CENPC: variants seen among roughly 807,000 people sequenced by gnomAD.
CENPC encodes CENP-C 1.
Under a neutral mutation model 112.1 loss-of-function variants are expected in CENPC, and 63 were observed. The observed-to-expected ratio is 0.56, with a 90% CI of 0.46 to 0.69. The LOEUF (loss-of-function observed/expected upper bound fraction) is 0.69. CENPC is among the 30% of genes least tolerant of loss of function. The probability of loss-of-function intolerance (pLI) is 0.00; values close to 1 mark genes in which losing one functional copy is unlikely to be tolerated. For missense variants in CENPC, 1,000 were observed against 1,103.8 expected (o/e 0.91, Z 1.33); for synonymous variants, 333 against 367.6 (o/e 0.91, Z 1.08).
rs946968401 is a variant in CENPC at position 67,495,336 on chromosome 4, A to G, written c.2132-124T>C. On this transcript the variant is annotated intron_variant, in intron 12 of 18. Transcript: ENST00000273853. Reference sequence around the variant, plus strand: ...AAAGTTTGACCTGATAATGTATTTTATTACTCCTTTTGCTTTTCATTGCTC... The same window carrying G: ...AAAGTTTGACCTGATAATGTATTTTGTTACTCCTTTTGCTTTTCATTGCTC... 3 of 888,626 alleles carry G rather than the reference A, an allele frequency of 3.4e-6. No homozygotes were observed. The African/African-American group carries it at 5.3e-5, about 16-fold the overall frequency. The allele number at this position is 888,626 out of a possible 1,614,324, so 55.0% of individuals were successfully genotyped here.
chr4:67,544,080 T>C (rs754685219), intron 2 of CENPC, 69 bp downstream of exon 2: 45 of 816,938 alleles, frequency 5.5e-5, no homozygotes, highest in Non-Finnish European at 8.5e-5. Flanking sequence ...TAGTTTTTCC[T>C]TTCTTCATTT....
chr4:67,479,624 A>C (rs1724899179), intron 17 of CENPC, among the ~76,000 whole-genome samples: 1 of 152,218 alleles, frequency 6.6e-6, no homozygotes, highest in South Asian at 2.1e-4. Flanking sequence ...AAAAGTCTGA[A>C]AGAACACAAA....
At chr4:67,543,776 C>A (rs1726952358) in intron 2 of CENPC, among the ~76,000 whole-genome samples, 2 of 152,114 alleles carry the variant, frequency 1.3e-5, no homozygotes, top group African/African-American at 4.8e-5. Context: ...ACCAAAACAA[C>A]CCAAACAAGC....
At chr4:67,509,775 C>T (rs778376116) in intron 9 of CENPC, among the ~76,000 whole-genome samples, 1 of 152,058 alleles carries the variant, frequency 6.6e-6, no homozygotes, top group South Asian at 2.1e-4. Context: ...CTTTACTAAT[C>T]TCCCCCTCCC....
chr4:67,492,977 C>T lies in CENPC; in HGVS notation c.2311G>A (p.Val771Ile). ...GACGATATTGTGTCTGGAGATAGTA[C>T]TCCACTAATCACGAATCCTCCTGAA... ...RPSGGFVISG[V>I]LSPDTISSKR... Residue 771 changes from valine (V) to isoleucine (I), a missense_variant, in exon 15 of 19, where the codon GTA (valine) becomes ATA (isoleucine). Physicochemically the swap from Val to Ile is conservative, Grantham distance 29 (BLOSUM62 3). Transcript: ENST00000273853. 1 of 1,528,860 alleles carries T rather than the reference C, an allele frequency of 6.5e-7. No individual in the cohort carries two copies. Among genetic ancestry groups the T allele is most frequent in the Non-Finnish European group, 8.8e-7 (1 of 1,141,372 alleles). The allele number at this position is 1,528,860 out of a possible 1,614,324, so 94.7% of individuals were successfully genotyped here.
intron 7 of CENPC, among the ~76,000 whole-genome samples, chr4:67,517,009 T>C (rs375710452): frequency 7.2e-5 from 11 of 152,084 alleles, no homozygotes; most frequent in African/African-American, 2.7e-4. Context: ...CATTATATAA[T>C]TAGCCCACAA....
At chr4:67,539,804 A>G (rs1726832282) in intron 4 of CENPC, 36 bp downstream of exon 4, 1 of 1,142,882 alleles carries the variant, frequency 8.7e-7, no homozygotes, top group African/African-American at 1.6e-5. Context: ...ATTCATTAAA[A>G]TATTAAACCT....
intron 1 of CENPC, 37 bp downstream of exon 1, chr4:67,545,301 C>T: frequency 6.8e-7 from 1 of 1,460,900 alleles, no homozygotes; most frequent in South Asian, 1.3e-5. Context: ...CAGCCAGCCG[C>T]TCAACCACTC....
chr4:67,493,620 C>T, intron 14 of CENPC: 1 of 294,930 alleles, frequency 3.4e-6, no homozygotes. Context: ...TTACCAGTTA[C>T]AATTTTCTCA....
At chr4:67,512,169 G>T (rs556582924) in intron 9 of CENPC, 44 of 376,156 alleles carry the variant, frequency 1.2e-4, no homozygotes, top group South Asian at 2.3e-4. Context: ...CATGAAAGCA[G>T]GGATTTCTGG....
intron 12 of CENPC, among the ~76,000 whole-genome samples, chr4:67,501,827 T>C (rs1347562943): frequency 6.6e-6 from 1 of 152,212 alleles, no homozygotes; most frequent in Admixed American, 6.5e-5. Context: ...GTGTATTTAT[T>C]AGAGGAGGCA....
At position 67,519,290 on chromosome 4, in the gene CENPC, C is replaced by T. The variant is rs745606934; in HGVS notation, c.544G>A (p.Glu182Lys). 2 of 1,611,288 alleles carry T rather than the reference C, an allele frequency of 1.2e-6. No individual in the cohort carries two copies. Among genetic ancestry groups the T allele is most frequent in the Admixed American group, 3.3e-5 (2 of 59,924 alleles). The change falls in exon 6 of 19, where the codon GAG (glutamate) becomes AAG (lysine). Residue 182 changes from glutamate (E) to lysine (K), a missense_variant. Transcript: ENST00000273853. ...NVIPSSAQKR[E>K]TYTFENSVNM... is the part of the protein sequence containing the mutation. ...ACTGAATTTTCAAAAGTGTAAGTCT[C>T]TCTCTTTTGGGCACTAGATGGAATA...
chr4:67,545,025 GGACA>G (rs1402666966), intron 1 of CENPC, among the ~76,000 whole-genome samples: 1 of 151,548 alleles, frequency 6.6e-6, no homozygotes, highest in Non-Finnish European at 1.5e-5. Context: ...CCAGCCTGGG[GGACA>G]GAGCAAGACC....
Position 67,468,803 on chromosome 4 carries a change from T to A in CENPC, c.*3802A>T, listed in dbSNP as rs1256257458. 1.3e-5 allele frequency: 2 copies of A among 152,178 alleles called. No individual in the cohort carries two copies. The highest frequency in any genetic ancestry group is 6.5e-5 in the Admixed American group (1 of 15,286). The allele number at this position is 152,178 out of a possible 1,614,324, so 9.4% of individuals were successfully genotyped here. A position where few individuals can be genotyped will look rare whatever the true frequency, so the allele number is the denominator to read the frequency against. ...TTCATCTTTATTTGTGGTACAGTCA[T>A]CCATACTAGAGAATACCACTTAGCA... is the stretch of plus-strand genomic sequence containing the variant. On this transcript the variant is annotated 3_prime_UTR_variant, in exon 19 of 19. Coordinates refer to ENST00000273853, the MANE Select transcript of CENPC (RefSeq NM_001812.4).
intron 6 of CENPC, 32 bp from the exon 7 acceptor site, chr4:67,518,400 C>T: frequency 6.7e-7 from 1 of 1,485,406 alleles, no homozygotes; most frequent in Non-Finnish European, 8.9e-7. Context: ...AAGCTGAATG[C>T]TCCCGTAACG....
At chr4:67,523,486 G>A (rs182870407) in intron 5 of CENPC, among the ~76,000 whole-genome samples, 6 of 152,224 alleles carry the variant, frequency 3.9e-5, no homozygotes, top group Admixed American at 1.3e-4. Context: ...AATGGTGAAC[G>A]CCCAGTTTCT....
chr4:67,495,456 C>CTGTTT (rs1207026063), intron 12 of CENPC, among the ~76,000 whole-genome samples: 1 of 152,234 alleles, frequency 6.6e-6, no homozygotes, highest in Non-Finnish European at 1.5e-5. Context: ...TGTGGTTGTT[C>CTGTTT]TGTTTTGTTT....
intron 8 of CENPC, among the ~76,000 whole-genome samples, chr4:67,513,729 A>G (rs537832086): frequency 5.9e-5 from 9 of 152,268 alleles, no homozygotes; most frequent in African/African-American, 2.2e-4. Context: ...TTTTATCTCT[A>G]TAAAAAATAG....
intron 16 of CENPC, 81 bp from the exon 17 acceptor site, chr4:67,490,202 A>T (rs1725203200): frequency 1.1e-6 from 1 of 941,134 alleles, no homozygotes; most frequent in South Asian, 2.8e-5. Context: ...TATATAATAA[A>T]GAGTCATTTC....
Sources: allele counts gnomAD v4.1 joint callset (sites outside exome capture counted in the v4.1 genomes callset), GRCh38; gene constraint gnomAD v4.1.1; transcripts MANE v1.5; gene names NCBI Gene and HGNC (gene_info 2026-07-23, HGNC 2026-07-21).